PDCD10: variants seen among roughly 807,000 people sequenced by gnomAD.
The protein encoded by PDCD10 is programmed cell death 10, also known as programmed cell death protein 10.
PDCD10 carries 4 observed loss-of-function variants against 29.2 expected under a neutral mutation model. The observed-to-expected ratio is 0.14, with a 90% CI of 0.07 to 0.31. The LOEUF is 0.31. PDCD10 is among the 10% of genes least tolerant of loss of function. The pLI is 1.00. For missense variants in PDCD10, 183 were observed against 257.9 expected, an observed-to-expected ratio of 0.71 and a Z score of 1.99; for synonymous variants, 70 against 82.2, an observed-to-expected ratio of 0.85 and a Z score of 0.80.
chr3:167,692,911 C>G (rs965583862), intron 6 of PDCD10, among the ~76,000 whole-genome samples: 2 of 152,226 alleles, frequency 1.3e-5, no homozygotes, highest in Admixed American at 6.5e-5. Context: ...GAGCAAGACT[C>G]CGTCTCAAAA....
chr3:167,729,042 A>C (rs1724518727), intron 2 of PDCD10, among the ~76,000 whole-genome samples: 1 of 152,238 alleles, frequency 6.6e-6, no homozygotes, highest in African/African-American at 2.4e-5. Context: ...TCCCTATGCA[A>C]AAGTCCCAGA....
intron 3 of PDCD10, among the ~76,000 whole-genome samples, chr3:167,712,966 T>C (rs1212265298): frequency 6.6e-6 from 1 of 151,954 alleles, no homozygotes; most frequent in Non-Finnish European, 1.5e-5. Flanking sequence ...CAAATATTAT[T>C]AGAACTAAAT....
intron 8 of PDCD10, 45 bp downstream of exon 8, chr3:167,687,189 T>G (rs551366570): frequency 1.0e-6 from 1 of 983,470 alleles, no homozygotes; most frequent in South Asian, 1.3e-5. Flanking sequence ...TAAAACCACA[T>G]AATCTATTTA....
chr3:167,720,618 C>T (rs1474547220), intron 2 of PDCD10, among the ~76,000 whole-genome samples: 3 of 151,938 alleles, frequency 2.0e-5, no homozygotes, highest in Admixed American at 6.6e-5. Flanking sequence ...AAGACACATA[C>T]TTATAATATT....
At chr3:167,718,955 T>A (rs1438241346) in intron 3 of PDCD10, among the ~76,000 whole-genome samples, 2 of 152,044 alleles carry the variant, frequency 1.3e-5, no homozygotes, top group South Asian at 4.1e-4. Context: ...AACCTAACAT[T>A]ACTTGAGAGA....
intron 3 of PDCD10, among the ~76,000 whole-genome samples, chr3:167,709,445 A>T (rs1404455359): frequency 6.6e-6 from 1 of 152,164 alleles, no homozygotes; most frequent in Non-Finnish European, 1.5e-5. Context: ...GAGCACAGCA[A>T]CTGGGAGACT....
At chr3:167,722,856 C>A (rs1723726123) in intron 2 of PDCD10, among the ~76,000 whole-genome samples, 1 of 152,152 alleles carries the variant, frequency 6.6e-6, no homozygotes, top group Non-Finnish European at 1.5e-5. Flanking sequence ...TTAATTTTTA[C>A]CTTTTGTAAA....
intron 2 of PDCD10, 97 bp downstream of exon 2, chr3:167,734,117 C>G (rs1048240967): frequency 2.0e-5 from 3 of 152,202 alleles, no homozygotes; most frequent in Non-Finnish European, 2.9e-5. Flanking sequence ...TCTGTCCCTA[C>G]GTGTGTGACC....
intron 3 of PDCD10, among the ~76,000 whole-genome samples, chr3:167,712,309 A>T (rs1722600314): frequency 6.6e-6 from 1 of 152,114 alleles, no homozygotes; most frequent in African/African-American, 2.4e-5. Flanking sequence ...TGTTTATTTC[A>T]AAAGCTAAAA....
intron 2 of PDCD10, among the ~76,000 whole-genome samples, chr3:167,721,672 A>C (rs1723579738): frequency 6.6e-6 from 1 of 152,188 alleles, no homozygotes; most frequent in South Asian, 2.1e-4. Context: ...CACCTACGGA[A>C]ACTGTTTAGT....
chr3:167,725,592 T>C (rs1023925248), intron 2 of PDCD10: 1 of 151,748 alleles, frequency 6.6e-6, no homozygotes, highest in Non-Finnish European at 1.5e-5. Context: ...TTACATCTTC[T>C]ATAATTCAAT....
Position 167,720,140 on chromosome 3 carries a change from T to A in PDCD10, c.18A>T (p.Glu6Asp). The A allele has an allele frequency of 6.2e-7, 1 of 1,610,968 alleles. No individual in the cohort carries two copies. Among genetic ancestry groups the A allele is most frequent in the Non-Finnish European group, 8.5e-7 (1 of 1,177,444 alleles). MRMTM[E>D]EMKNEAETTS... ...TGGTCTCAGCTTCATTCTTCATCTC[T>A]TCCATTGTCATCCTCATTCAAAAGC... Residue 6 changes from glutamate (E) to aspartate (D), a missense_variant, in exon 3 of 9, where the codon GAA becomes GAT. Coordinates refer to ENST00000392750, the MANE Select transcript of PDCD10 (RefSeq NM_007217.4).
At chr3:167,731,476 C>T (rs1292923655) in intron 2 of PDCD10, among the ~76,000 whole-genome samples, 4 of 152,160 alleles carry the variant, frequency 2.6e-5, no homozygotes, top group African/African-American at 9.7e-5. Context: ...ACCTAAATTG[C>T]CTAAGCATTA....
chr3:167,728,380 C>G lies in PDCD10; in HGVS notation c.-117+5834G>C, dbSNP rs187080000. On this transcript the variant is annotated intron_variant, in intron 2 of 8. Transcript: ENST00000392750. The stretch of plus-strand genomic sequence containing the variant: ...CCCAACTGGCTTCTGTTGTAGTAAC[C>G]TTATATAAGTCTGAGGAGGCAGCCG... Among the ~76,000 whole-genome samples, 347 of 152,178 alleles carry G rather than the reference C, an allele frequency of 2.3e-3. 2 individuals carry two copies. The highest frequency in any genetic ancestry group is 7.8e-3 in the African/African-American group (324 of 41,502).
Position 167,729,246 on chromosome 3 carries a change from C to T in PDCD10, c.-117+4968G>A, listed in dbSNP as rs80046405. Among the ~76,000 whole-genome samples, 1,427 of 152,240 alleles carry T rather than the reference C, an allele frequency of 9.4e-3. 30 individuals are homozygous for T. The East Asian group carries it at 0.096, about 10-fold the overall frequency. On this transcript the variant is annotated intron_variant, in intron 2 of 8. Coordinates refer to ENST00000392750, the MANE Select transcript of PDCD10 (RefSeq NM_007217.4). ...TACTCAAAAGAAATCTACTCCAATG[C>T]TAGAAAAAAACTGGCTGTGTTGAAG...
At chr3:167,723,072 T>C (rs776770146) in intron 2 of PDCD10, among the ~76,000 whole-genome samples, 3 of 152,196 alleles carry the variant, frequency 2.0e-5, no homozygotes, top group African/African-American at 7.2e-5. Flanking sequence ...AACTGAACTT[T>C]TTAGAACACA....
chr3:167,724,203 A>C (rs9841137), intron 2 of PDCD10, among the ~76,000 whole-genome samples: 52,418 of 152,056 alleles, frequency 0.34, 10,966 homozygotes, highest in African/African-American at 0.6. Context: ...AAGGAGAGGA[A>C]CAACAGAAGC....
At chr3:167,706,224 A>C (rs532831011) in intron 3 of PDCD10, among the ~76,000 whole-genome samples, 1 of 152,248 alleles carries the variant, frequency 6.6e-6, no homozygotes, top group Admixed American at 6.5e-5. Flanking sequence ...TACAAAAAGA[A>C]TAAGTCACAG....
At chr3:167,712,973 A>C (rs1001339760) in intron 3 of PDCD10, among the ~76,000 whole-genome samples, 1 of 152,126 alleles carries the variant, frequency 6.6e-6, no homozygotes, top group Non-Finnish European at 1.5e-5. Context: ...TATTAGAACT[A>C]AATAGAGAGA....
Sources: gnomAD v4.1 joint callset for allele counts (sites outside exome capture counted in the v4.1 genomes callset) on GRCh38, gnomAD v4.1.1 for gene constraint, MANE v1.5 for transcripts, NCBI Gene and HGNC (gene_info 2026-07-23, HGNC 2026-07-21) for gene names.